Variants in NRF1 observed in about 807,000 individuals in gnomAD.
NRF1 encodes the protein alpha palindromic-binding protein.
In NRF1, 5 loss-of-function variants were observed where a neutral mutation model predicts 58.5. The ratio of observed to expected loss-of-function variants is 0.09; its 90% CI spans 0.04 to 0.18. The LOEUF is 0.18. NRF1 is among the 10% of genes least tolerant of loss of function. The pLI, the probability that NRF1 is intolerant of heterozygous loss-of-function variation, is 1.00. For missense variants in NRF1, 288 were observed against 657.7 expected (o/e 0.44, Z 6.15); for synonymous variants, 224 against 246.7 (o/e 0.91, Z 0.86).
chr7:129,754,759 T>C (rs919420912), intron 10 of NRF1, among the ~76,000 whole-genome samples: 11 of 152,122 alleles, frequency 7.2e-5, no homozygotes, highest in Non-Finnish European at 1.5e-4. Context: ...CATTCTACAG[T>C]GTATACATGC....
intron 2 of NRF1, among the ~76,000 whole-genome samples, chr7:129,661,861 A>G (rs185147952): frequency 1.3e-5 from 2 of 150,824 alleles, no homozygotes; most frequent in African/African-American, 5.0e-5. Flanking sequence ...TTACTATATT[A>G]GTCCATTTTC....
chr7:129,737,185 A>G (rs1742496912), intron 10 of NRF1, among the ~76,000 whole-genome samples: 1 of 152,244 alleles, frequency 6.6e-6, no homozygotes, highest in Non-Finnish European at 1.5e-5. Context: ...CCTTTCGCAG[A>G]TGAAGATGTA....
intron 4 of NRF1, among the ~76,000 whole-genome samples, chr7:129,678,286 C>A (rs1050963897): frequency 1.3e-5 from 2 of 151,984 alleles, no homozygotes; most frequent in African/African-American, 4.8e-5. Flanking sequence ...TAGTCTTTTG[C>A]CCCTGCATAC....
intron 3 of NRF1, among the ~76,000 whole-genome samples, chr7:129,674,123 A>G (rs1802121159): frequency 6.6e-6 from 1 of 152,116 alleles, no homozygotes; most frequent in Admixed American, 6.6e-5. Context: ...CCTAGGCGAC[A>G]GAGTGAAACT....
At chr7:129,678,818 T>C (rs1462510107) in intron 4 of NRF1, among the ~76,000 whole-genome samples, 1 of 152,130 alleles carries the variant, frequency 6.6e-6, no homozygotes, top group Non-Finnish European at 1.5e-5. Context: ...TCTAGAAGAC[T>C]CAGAAAAATA....
chr7:129,725,624 G>A (rs79700605), intron 9 of NRF1, among the ~76,000 whole-genome samples: 6,482 of 152,236 alleles, frequency 0.043, 169 homozygotes, highest in Middle Eastern at 0.12. Context: ...ACCATGCCTG[G>A]CCTTATCTTA....
chr7:129,751,872 C>T (rs1804124173), intron 10 of NRF1, among the ~76,000 whole-genome samples: 1 of 152,138 alleles, frequency 6.6e-6, no homozygotes, highest in Admixed American at 6.5e-5. Context: ...CAGAAGAGAG[C>T]CTGATCGTGA....
chr7:129,667,797 C>T (rs117388576), intron 2 of NRF1, among the ~76,000 whole-genome samples: 3,712 of 151,266 alleles, frequency 0.025, 54 homozygotes, highest in Middle Eastern at 0.075. Flanking sequence ...GAGATAGGAT[C>T]TTACTCTGTC....
chr7:129,613,368 C>T lies in NRF1; in HGVS notation c.-7+1544C>T, dbSNP rs118168762. Reference sequence around the variant, plus strand: ...GTATTTGACAGTTCTTGACAGGTTACCCCGTAAGACAGTGAAAATATGACT... The same window carrying T: ...GTATTTGACAGTTCTTGACAGGTTATCCCGTAAGACAGTGAAAATATGACT... On this transcript the variant is annotated intron_variant, in intron 1 of 10. Coordinates refer to ENST00000393232, the MANE Select transcript of NRF1 (RefSeq NM_005011.5). Among the ~76,000 whole-genome samples, 704 of 152,246 alleles carry T rather than the reference C, an allele frequency of 4.6e-3. 4 individuals carry two copies. The highest frequency in any genetic ancestry group is 0.018 in the South Asian group (88 of 4,828).
At chr7:129,651,940 A>C (rs184401203) in intron 1 of NRF1, among the ~76,000 whole-genome samples, 37 of 152,356 alleles carry the variant, frequency 2.4e-4, no homozygotes, top group African/African-American at 8.4e-4. Context: ...AAAAGTTGCA[A>C]GAATAGTACA....
chr7:129,745,356 CAGG>C (rs1803949166), intron 10 of NRF1, among the ~76,000 whole-genome samples: 1 of 152,164 alleles, frequency 6.6e-6, no homozygotes, highest in Non-Finnish European at 1.5e-5. Context: ...CCTGGCACGG[CAGG>C]AGGTGGGTGG....
At chr7:129,642,488 A>G (rs1481807900) in intron 1 of NRF1, among the ~76,000 whole-genome samples, 1 of 152,202 alleles carries the variant, frequency 6.6e-6, no homozygotes, top group African/African-American at 2.4e-5. Context: ...TGTTAATAAC[A>G]TGGAATATTT....
At chr7:129,673,771 T>TGTCACATG (rs777588179) in intron 3 of NRF1, among the ~76,000 whole-genome samples, 5 of 149,136 alleles carry the variant, frequency 3.4e-5, no homozygotes, top group Non-Finnish European at 4.4e-5. Context: ...CAGACCACCA[T>TGTCACATG]GTCACATGTA....
At chr7:129,690,787 T>C (rs1802548657) in intron 5 of NRF1, among the ~76,000 whole-genome samples, 1 of 151,998 alleles carries the variant, frequency 6.6e-6, no homozygotes, top group Non-Finnish European at 1.5e-5. Context: ...TCCCTTTCAC[T>C]TGGGCCTTTG....
chr7:129,649,322 G>A (rs903750515), intron 1 of NRF1, among the ~76,000 whole-genome samples: 4 of 152,036 alleles, frequency 2.6e-5, no homozygotes, highest in African/African-American at 4.8e-5. Context: ...ACCCCACCCC[G>A]GGTTTGGACT....
chr7:129,712,679 C>T (rs756240095), intron 8 of NRF1, among the ~76,000 whole-genome samples: 1 of 152,202 alleles, frequency 6.6e-6, no homozygotes, highest in Non-Finnish European at 1.5e-5. Context: ...GAACTCTAGC[C>T]TTCCTGTAAG....
chr7:129,621,659 T>G (rs536360482), intron 1 of NRF1, among the ~76,000 whole-genome samples: 1 of 152,316 alleles, frequency 6.6e-6, no homozygotes, highest in South Asian at 2.1e-4. Context: ...CTGTAGGTGC[T>G]AAGTCTAAAG....
chr7:129,744,142 T>C, intron 10 of NRF1: 1 of 1,499,956 alleles, frequency 6.7e-7, no homozygotes, highest in South Asian at 1.3e-5. Context: ...TTTTTTTTTT[T>C]TTTTTTTTAA....
chr7:129,726,520 A>G (rs1225780196), intron 9 of NRF1, among the ~76,000 whole-genome samples: 5 of 152,278 alleles, frequency 3.3e-5, no homozygotes, highest in African/African-American at 1.2e-4. Flanking sequence ...CATTTGTGCT[A>G]TGTAGGGAGG....
Sources: gnomAD v4.1 joint callset for allele counts (sites outside exome capture counted in the v4.1 genomes callset) on GRCh38, gnomAD v4.1.1 for gene constraint, MANE v1.5 for transcripts, NCBI Gene and HGNC (gene_info 2026-07-23, HGNC 2026-07-21) for gene names.